The following TMTC1 variants were observed in gnomAD, a reference collection of about 807,000 sequenced individuals.
The protein encoded by TMTC1 is protein O-mannosyl-transferase TMTC1.
Under a neutral mutation model 104.8 loss-of-function variants are expected in TMTC1, and 73 were observed. The ratio of observed to expected loss-of-function variants is 0.70; its 90% CI spans 0.58 to 0.85. The LOEUF (loss-of-function observed/expected upper bound fraction) is 0.85, where lower values mean the gene tolerates loss of function less well. TMTC1 is among the 40% of genes least tolerant of loss of function. TMTC1 has a pLI of 0.00. For missense variants in TMTC1, 1,035 were observed against 1,096.1 expected (o/e 0.94, Z 0.79); for synonymous variants, 434 against 428.7 (o/e 1.01, Z -0.15).
At chr12:29,608,746 T>C (rs548539564) in intron 6 of TMTC1, among the ~76,000 whole-genome samples, 72 of 152,236 alleles carry the variant, frequency 4.7e-4, no homozygotes, top group African/African-American at 1.6e-3. Flanking sequence ...ACGGGGGTGC[T>C]GAGAGGGTCG....
rs1364543895 is a variant in TMTC1 at position 29,783,618 on chromosome 12, A to T, written c.134T>A (p.Leu45Gln). Reference sequence around the variant, plus strand: ...GTCGTCGTGCACGAACTCGCCCTGCAGGGAGCGGCCGTAGCACAGGCAGCT... The same window carrying T: ...GTCGTCGTGCACGAACTCGCCCTGCTGGGAGCGGCCGTAGCACAGGCAGCT... ...GASCLCYGRSLQGEFVHDDVW... is the reference protein window; with the variant it reads ...GASCLCYGRSQQGEFVHDDVW... Residue 45 changes from leucine to glutamine, a missense_variant, in exon 1 of 18, where the codon CTG becomes CAG. Transcript: ENST00000539277. The surrounding 1 kb of genome is among the most constrained non-coding windows in gnomAD (Gnocchi z 4.7). 1.4e-6 allele frequency: 2 copies of T among 1,469,176 alleles called. No individual in the cohort carries two copies. Among genetic ancestry groups the T allele is most frequent in the South Asian group, 2.6e-5 (2 of 77,048 alleles). The allele number at this position is 1,469,176 out of a possible 1,614,324, so 91.0% of individuals were successfully genotyped here.
chr12:29,614,284 T>C (rs1451124689), intron 6 of TMTC1, among the ~76,000 whole-genome samples: 1 of 152,206 alleles, frequency 6.6e-6, no homozygotes, highest in Admixed American at 6.5e-5. Flanking sequence ...AAAATCAAAA[T>C]ATCTTTTATA....
At chr12:29,509,776 T>A (rs1943783970) in intron 17 of TMTC1, among the ~76,000 whole-genome samples, 1 of 152,224 alleles carries the variant, frequency 6.6e-6, no homozygotes, top group African/African-American at 2.4e-5. Flanking sequence ...AACTAATTTT[T>A]ACTCAGCACT....
At chr12:29,548,678 C>T (rs917546002) in intron 10 of TMTC1, among the ~76,000 whole-genome samples, 2 of 151,522 alleles carry the variant, frequency 1.3e-5, no homozygotes, top group Admixed American at 1.3e-4. Context: ...ATAAATTACC[C>T]AGTCTCAGGT....
At position 29,756,029 on chromosome 12, in the gene TMTC1, T is replaced by C. The variant is rs1943208286; in HGVS notation, c.555-144A>G. On this transcript the variant is annotated intron_variant, in intron 3 of 17. Transcript: ENST00000539277. Reference sequence around the variant, plus strand: ...TAAGTAGAGATTTCTTAAAGAGCCTTCATCCCCACAATACTGAATTTTGTA... The same window carrying C: ...TAAGTAGAGATTTCTTAAAGAGCCTCCATCCCCACAATACTGAATTTTGTA... 1.6e-5 allele frequency: 13 copies of C among 816,792 alleles called. 1 individual carries two copies. In the East Asian group the frequency reaches 3.5e-4, roughly 22 times the overall value. 50.6% of individuals were successfully genotyped at this position (816,792 alleles called of 1,614,324 possible).
intron 10 of TMTC1, among the ~76,000 whole-genome samples, chr12:29,540,882 C>A (rs1350004730): frequency 6.6e-6 from 1 of 151,868 alleles, no homozygotes; most frequent in Non-Finnish European, 1.5e-5. Flanking sequence ...GTAGTCCCAG[C>A]TACTTGGGAG....
In TMTC1 at chr12:29,637,085, A is replaced by AACAC. The variant is rs200543052; in HGVS notation, c.939-3753_939-3750dup. On this transcript the variant is annotated intron_variant, in intron 5 of 17. Coordinates refer to ENST00000539277, the MANE Select transcript of TMTC1 (RefSeq NM_001193451.2). ...CAAAATGAAACGAAACAAAATGAGA[A>AACAC]ACACACACACACACACACACACACA... Among the ~76,000 whole-genome samples, 404 of 47,684 alleles carry AACAC rather than the reference A, an allele frequency of 8.5e-3. 6 individuals carry two copies. Among genetic ancestry groups the AACAC allele is most frequent in the African/African-American group, 0.017 (305 of 17,504 alleles). The allele number at this position is 47,684 out of a possible 152,430, so 31.3% of individuals were successfully genotyped here.
At chr12:29,509,127 G>C (rs1353804567) in intron 17 of TMTC1, among the ~76,000 whole-genome samples, 1 of 152,160 alleles carries the variant, frequency 6.6e-6, no homozygotes, top group Non-Finnish European at 1.5e-5. Flanking sequence ...GGACAGGGCA[G>C]CTACTGAATA....
intron 14 of TMTC1, among the ~76,000 whole-genome samples, chr12:29,517,089 CAT>C (rs1310743041): frequency 6.6e-6 from 1 of 152,132 alleles, no homozygotes; most frequent in East Asian, 1.9e-4. Context: ...AATATGCACA[CAT>C]ATACATGTAG....
chr12:29,636,701 C>T (rs1471708052), intron 5 of TMTC1, among the ~76,000 whole-genome samples: 1 of 151,598 alleles, frequency 6.6e-6, no homozygotes, highest in East Asian at 1.9e-4. Context: ...GCCTGTATTC[C>T]CAGCTATTTG....
chr12:29,780,357 G>A (rs1028868293), intron 1 of TMTC1, among the ~76,000 whole-genome samples: 2 of 152,202 alleles, frequency 1.3e-5, no homozygotes, highest in Non-Finnish European at 2.9e-5. Flanking sequence ...CCTGAATGAA[G>A]ATCCAGAGAC....
At chr12:29,600,382 A>G (rs1946532813) in intron 7 of TMTC1, among the ~76,000 whole-genome samples, 2 of 152,168 alleles carry the variant, frequency 1.3e-5, no homozygotes, top group African/African-American at 4.8e-5. Flanking sequence ...GTCAATATTT[A>G]TAAAATGGCT....
intron 17 of TMTC1, among the ~76,000 whole-genome samples, chr12:29,507,975 C>T (rs1411036888): frequency 6.6e-6 from 1 of 152,196 alleles, no homozygotes; most frequent in Non-Finnish European, 1.5e-5. Context: ...AGTGAAGACA[C>T]CATGTAGCAA....
chr12:29,659,703 A>T (rs1939924962), intron 5 of TMTC1, among the ~76,000 whole-genome samples: 1 of 152,218 alleles, frequency 6.6e-6, no homozygotes, highest in Admixed American at 6.5e-5. Context: ...ATGAAACAAT[A>T]GCAATAATAC....
chr12:29,634,078 T>C (rs745839278), intron 5 of TMTC1, among the ~76,000 whole-genome samples: 3 of 152,208 alleles, frequency 2.0e-5, no homozygotes, highest in Non-Finnish European at 4.4e-5. Context: ...AACTCTAGCA[T>C]AGCCTCAGCA....
At chr12:29,737,779 C>T (rs1315001743) in intron 5 of TMTC1, among the ~76,000 whole-genome samples, 1 of 152,176 alleles carries the variant, frequency 6.6e-6, no homozygotes, top group Non-Finnish European at 1.5e-5. Context: ...ATGATATGAG[C>T]TCCCGGAGCC....
intron 5 of TMTC1, among the ~76,000 whole-genome samples, chr12:29,715,312 T>C (rs1417079207): frequency 6.6e-6 from 1 of 152,192 alleles, no homozygotes; most frequent in African/African-American, 2.4e-5. Context: ...AACAAGACTC[T>C]ATTCTCATCT....
At chr12:29,646,390 G>A (rs1939269287) in intron 5 of TMTC1, among the ~76,000 whole-genome samples, 1 of 152,154 alleles carries the variant, frequency 6.6e-6, no homozygotes, top group African/African-American at 2.4e-5. Context: ...ATGTTTCAAT[G>A]TTAGCAGAAA....
At chr12:29,572,349 C>T in intron 8 of TMTC1, 131 bp from the exon 9 acceptor site, 1 of 752,154 alleles carries the variant, frequency 1.3e-6, no homozygotes, top group South Asian at 1.9e-5. Flanking sequence ...GCATTGTAGC[C>T]TACAAGGCTT....
Sources: allele counts gnomAD v4.1 joint callset (sites outside exome capture counted in the v4.1 genomes callset), GRCh38; gene constraint gnomAD v4.1.1; non-coding constraint Gnocchi (gnomAD v3.1); transcripts MANE v1.5; gene names NCBI Gene and HGNC (gene_info 2026-07-23, HGNC 2026-07-21).